Variants in STAU2 observed in about 807,000 individuals in gnomAD.
STAU2 encodes the protein double-stranded RNA-binding protein Staufen homolog 2.
STAU2 carries 20 observed loss-of-function variants against 65.9 expected under a neutral mutation model. The observed-to-expected ratio is 0.30, with a 90% CI of 0.21 to 0.44. STAU2 has a LOEUF of 0.44. Among genes scored for constraint, STAU2 ranks in the 20% least tolerant of loss-of-function variants. STAU2 has a pLI of 1.00. For synonymous variants in STAU2, 232 were observed against 233.9 expected (o/e 0.99, Z 0.07); for missense variants, 558 against 683.9 (o/e 0.82, Z 2.05).
intron 13 of STAU2, among the ~76,000 whole-genome samples, chr8:73,500,757 GA>G (rs1175804503): frequency 1.3e-5 from 2 of 151,784 alleles, no homozygotes; most frequent in African/African-American, 4.8e-5. Context: ...CTAATTATAT[GA>G]TCAATGTCTC....
chr8:73,528,474 T>C (rs758316401), intron 13 of STAU2, among the ~76,000 whole-genome samples: 3 of 152,138 alleles, frequency 2.0e-5, no homozygotes, highest in Non-Finnish European at 4.4e-5. Context: ...GGGGAAGAGT[T>C]TGAGTCCGTC....
At chr8:73,621,992 T>C (rs1237534514) in intron 6 of STAU2, among the ~76,000 whole-genome samples, 1 of 149,930 alleles carries the variant, frequency 6.7e-6, no homozygotes, top group East Asian at 2.0e-4. Flanking sequence ...AGTCTCGCTC[T>C]GCTGCCCAGG....
intron 13 of STAU2, among the ~76,000 whole-genome samples, chr8:73,501,425 A>G (rs772012979): frequency 6.6e-6 from 1 of 151,932 alleles, no homozygotes; most frequent in African/African-American, 2.4e-5. Context: ...AAAATTTTAA[A>G]TATCTATTAC....
At chr8:73,707,809 C>T (rs544165993) in intron 4 of STAU2, among the ~76,000 whole-genome samples, 17 of 152,026 alleles carry the variant, frequency 1.1e-4, no homozygotes, top group African/African-American at 3.1e-4. Context: ...TAACGGCTAC[C>T]ACAGAGAACT....
intron 10 of STAU2, among the ~76,000 whole-genome samples, chr8:73,596,423 T>C (rs1295923622): frequency 6.6e-6 from 1 of 152,090 alleles, no homozygotes; most frequent in Admixed American, 6.6e-5. Flanking sequence ...CATACAACTA[T>C]AAAAAGTAAA....
chr8:73,659,424 C>T (rs1427503657), intron 6 of STAU2, among the ~76,000 whole-genome samples: 1 of 152,178 alleles, frequency 6.6e-6, no homozygotes, highest in Non-Finnish European at 1.5e-5. Flanking sequence ...GTTGTCCCAG[C>T]TACTCAGGAG....
At chr8:73,460,500 T>C (rs1227865706) in intron 13 of STAU2, among the ~76,000 whole-genome samples, 2 of 152,212 alleles carry the variant, frequency 1.3e-5, no homozygotes, top group Non-Finnish European at 2.9e-5. Context: ...TCCTGGAAAT[T>C]GATGTGAGTA....
At chr8:73,548,652 T>G (rs1807102720) in intron 13 of STAU2, among the ~76,000 whole-genome samples, 2 of 152,200 alleles carry the variant, frequency 1.3e-5, no homozygotes. Flanking sequence ...CACTCCCTGA[T>G]TTTGGACAAT....
intron 6 of STAU2, among the ~76,000 whole-genome samples, chr8:73,657,094 A>C (rs1023655617): frequency 6.6e-6 from 1 of 152,248 alleles, no homozygotes; most frequent in Non-Finnish European, 1.5e-5. Flanking sequence ...CAGGAGATGC[A>C]AGGAGATATA....
At chr8:73,743,946 A>G (rs1177285017) in intron 1 of STAU2, among the ~76,000 whole-genome samples, 1 of 149,480 alleles carries the variant, frequency 6.7e-6, no homozygotes, top group Non-Finnish European at 1.5e-5. Flanking sequence ...TAATTTTTGT[A>G]TTTTTAGTAG....
intron 9 of STAU2, among the ~76,000 whole-genome samples, chr8:73,609,435 T>G (rs985681498): frequency 3.3e-5 from 5 of 151,460 alleles, no homozygotes; most frequent in African/African-American, 1.2e-4. Flanking sequence ...AGGTGGAACA[T>G]GAGGTCAGGA....
chr8:73,527,643 T>C lies in STAU2; in HGVS notation c.1530+24369A>G, dbSNP rs1177808317. 27 of 1,437,010 alleles carry C rather than the reference T, an allele frequency of 1.9e-5. 1 individual carries two copies. In the East Asian group the frequency reaches 4.7e-4, roughly 25 times the overall value. 89.0% of individuals were successfully genotyped at this position (1,437,010 alleles called of 1,614,324 possible). A position where few individuals can be genotyped will look rare whatever the true frequency, so the allele number is the denominator to read the frequency against. On this transcript the variant is annotated intron_variant, in intron 13 of 14. Transcript: ENST00000524300. ...TAGCTTCCATTTTGATGGCCTTCCA[T>C]TTCCGAGCTGGGCCATAACACAGCA...
intron 6 of STAU2, among the ~76,000 whole-genome samples, chr8:73,622,200 ACT>A (rs1813309122): frequency 1.5e-5 from 1 of 67,468 alleles, no homozygotes; most frequent in Admixed American, 1.8e-4. Flanking sequence ...ATCTCGGCTC[ACT>A]GCAGGCTCCG....
intron 10 of STAU2, among the ~76,000 whole-genome samples, chr8:73,601,596 C>T (rs1251656938): frequency 6.6e-6 from 1 of 151,998 alleles, no homozygotes; most frequent in South Asian, 2.1e-4. Flanking sequence ...ATACAAAGGC[C>T]GTTACTTTGA....
chr8:73,543,516 C>T (rs1201144764), intron 13 of STAU2, among the ~76,000 whole-genome samples: 1 of 152,170 alleles, frequency 6.6e-6, no homozygotes, highest in Non-Finnish European at 1.5e-5. Flanking sequence ...AGTAACCTCA[C>T]AATTAACTAA....
At chr8:73,551,226 T>C (rs906581916) in intron 13 of STAU2, 3 of 987,172 alleles carry the variant, frequency 3.0e-6, no homozygotes, top group African/African-American at 3.5e-5. Flanking sequence ...CATAAAGGAG[T>C]GCTGATTTTT....
At chr8:73,705,602 T>C (rs1310880674) in intron 4 of STAU2, among the ~76,000 whole-genome samples, 1 of 152,208 alleles carries the variant, frequency 6.6e-6, no homozygotes, top group Non-Finnish European at 1.5e-5. Flanking sequence ...AATAACTGTA[T>C]ACAGGTACCT....
At chr8:73,738,630 C>T (rs1328063458) in intron 2 of STAU2, among the ~76,000 whole-genome samples, 1 of 152,158 alleles carries the variant, frequency 6.6e-6, no homozygotes, top group Non-Finnish European at 1.5e-5. Context: ...TCACTAGTAG[C>T]CACCATACTG....
At chr8:73,640,345 G>T (rs1484234173) in intron 6 of STAU2, among the ~76,000 whole-genome samples, 2 of 152,014 alleles carry the variant, frequency 1.3e-5, no homozygotes, top group Non-Finnish European at 2.9e-5. Context: ...CTGACTTAAA[G>T]AATTGGTTAT....
Sources: gnomAD v4.1 joint callset for allele counts (sites outside exome capture counted in the v4.1 genomes callset) on GRCh38, gnomAD v4.1.1 for gene constraint, MANE v1.5 for transcripts, NCBI Gene and HGNC (gene_info 2026-07-23, HGNC 2026-07-21) for gene names.